PRKAR2B: variants seen among roughly 807,000 people sequenced by gnomAD.
PRKAR2B encodes the protein cAMP-dependent protein kinase type II-beta regulatory subunit.
PRKAR2B carries 14 observed loss-of-function variants against 49.9 expected under a neutral mutation model. The observed-to-expected ratio is 0.28, with a 90% confidence interval of 0.19 to 0.44. The LOEUF is 0.44. Among genes scored for constraint, PRKAR2B ranks in the 20% least tolerant of loss-of-function variants. The pLI, the probability that PRKAR2B is intolerant of heterozygous loss-of-function variation, is 1.00. For missense variants in PRKAR2B, 393 were observed against 537.9 expected, an observed-to-expected ratio of 0.73 and a Z score of 2.67; for synonymous variants, 196 against 197.7, an observed-to-expected ratio of 0.99 and a Z score of 0.07.
At chr7:107,049,011 T>C (rs1793753594) in intron 1 of PRKAR2B, among the ~76,000 whole-genome samples, 1 of 152,138 alleles carries the variant, frequency 6.6e-6, no homozygotes, top group Admixed American at 6.5e-5. Context: ...TGACATGTCA[T>C]GTCTGAAAGG....
chr7:107,114,337 T>A (rs1795229330), intron 2 of PRKAR2B, among the ~76,000 whole-genome samples: 1 of 101,732 alleles, frequency 9.8e-6, no homozygotes, highest in Non-Finnish European at 1.8e-5. Flanking sequence ...TGTGTGTGTG[T>A]GTGTGTGTGT....
intron 2 of PRKAR2B, among the ~76,000 whole-genome samples, chr7:107,107,478 T>C (rs1011295994): frequency 6.6e-6 from 1 of 152,046 alleles, no homozygotes; most frequent in African/African-American, 2.4e-5. Context: ...AAAAGCACCC[T>C]AGCAATGAGT....
At chr7:107,058,712 A>G (rs1252633205) in intron 1 of PRKAR2B, among the ~76,000 whole-genome samples, 1 of 152,212 alleles carries the variant, frequency 6.6e-6, no homozygotes, top group African/African-American at 2.4e-5. Flanking sequence ...TTGAATTTTA[A>G]CAAAAACCCG....
intron 5 of PRKAR2B, among the ~76,000 whole-genome samples, chr7:107,143,198 C>G (rs1795820926): frequency 1.3e-5 from 2 of 152,152 alleles, no homozygotes; most frequent in South Asian, 4.1e-4. Context: ...AGTTTCAGCG[C>G]AAAAGTATAA....
At chr7:107,156,825 T>G (rs1012445480) in intron 8 of PRKAR2B, among the ~76,000 whole-genome samples, 159 bp from the exon 9 acceptor site, 1 of 152,062 alleles carries the variant, frequency 6.6e-6, no homozygotes, top group Admixed American at 6.6e-5. Context: ...AAAAACCTCT[T>G]GATTTAGAAA....
Position 107,159,773 on chromosome 7 carries a change from A to G in PRKAR2B, c.*191A>G. Reference sequence around the variant, plus strand: ...GCTTTAACATCACTTTCTAAAGAGTAGTTCATAAAAAAATCAACATACTGA... The same window carrying G: ...GCTTTAACATCACTTTCTAAAGAGTGGTTCATAAAAAAATCAACATACTGA... On this transcript the variant is annotated 3_prime_UTR_variant, in exon 11 of 11. Transcript: ENST00000265717. The G allele has an allele frequency of 2.0e-6, 1 of 497,050 alleles. No individual in the cohort carries two copies. 30.8% of individuals were successfully genotyped at this position (497,050 alleles called of 1,614,324 possible).
intron 2 of PRKAR2B, among the ~76,000 whole-genome samples, chr7:107,089,429 T>G: frequency 6.6e-6 from 1 of 152,228 alleles, no homozygotes; most frequent in East Asian, 1.9e-4. Flanking sequence ...TTAGTAGAGT[T>G]TAGGGACCCT....
intron 5 of PRKAR2B, among the ~76,000 whole-genome samples, chr7:107,142,365 A>G (rs1795804518): frequency 6.6e-6 from 1 of 152,216 alleles, no homozygotes; most frequent in Admixed American, 6.5e-5. Flanking sequence ...AGTTATCTAT[A>G]TGTGAATCAA....
chr7:107,119,319 G>A (rs1795346457), intron 2 of PRKAR2B, among the ~76,000 whole-genome samples: 1 of 152,210 alleles, frequency 6.6e-6, no homozygotes, highest in Non-Finnish European at 1.5e-5. Flanking sequence ...AACATGGCCA[G>A]CTTCATGGGC....
In PRKAR2B at chr7:107,156,967, G is replaced by A; in HGVS notation, c.919-17G>A. 1 of 1,593,686 alleles carries A rather than the reference G, an allele frequency of 6.3e-7. No homozygotes were observed. The highest frequency in any genetic ancestry group is 1.7e-5 in the Admixed American group (1 of 59,538). On this transcript the variant is annotated splice_polypyrimidine_tract_variant and intron_variant, in intron 8 of 10. Transcript: ENST00000265717. Reference sequence around the variant, plus strand: ...ATTTGCATTTTCACCGTCTGTTTTTGTTATTGATTCCAATAGGGAGATTCG... The same window carrying A: ...ATTTGCATTTTCACCGTCTGTTTTTATTATTGATTCCAATAGGGAGATTCG...
intron 1 of PRKAR2B, among the ~76,000 whole-genome samples, chr7:107,055,556 A>G (rs1793895718): frequency 6.6e-6 from 1 of 152,164 alleles, no homozygotes; most frequent in Non-Finnish European, 1.5e-5. Context: ...CATTTCTCTG[A>G]TGGCCAGTGA....
In PRKAR2B at chr7:107,146,367, A is replaced by T. The variant is rs764527123; in HGVS notation, c.647A>T (p.Asp216Val). ...GTTGGAAGATGTGTTGGTAACTATGATAATCGTGGGAGTTTCGGCGAACTG... is the reference window on the plus strand; with the variant it reads ...GTTGGAAGATGTGTTGGTAACTATGTTAATCGTGGGAGTTTCGGCGAACTG... Reference protein sequence around the residue: ...DGVGRCVGNYDNRGSFGELAL... With the variant: ...DGVGRCVGNYVNRGSFGELAL... The change falls in exon 6 of 11, where the codon GAT (aspartate) becomes GTT (valine). Residue 216 changes from aspartate to valine, a missense_variant. Physicochemically the swap from Asp to Val is radical, Grantham distance 152. This residue lies in a region of PRKAR2B where 233 missense variants were observed against 390.4 expected (regional missense o/e 0.60). Coordinates refer to ENST00000265717, the MANE Select transcript of PRKAR2B (RefSeq NM_002736.3). The T allele has an allele frequency of 6.2e-7, 1 of 1,614,132 alleles. No homozygotes were observed. Among genetic ancestry groups the T allele is most frequent in the South Asian group, 1.1e-5 (1 of 91,076 alleles).
At chr7:107,068,714 C>T (rs1485279562) in intron 1 of PRKAR2B, 1 of 152,008 alleles carries the variant, frequency 6.6e-6, no homozygotes, top group African/African-American at 2.4e-5. Flanking sequence ...AATCTTTAAT[C>T]ATAATGAAGA....
chr7:107,102,289 A>G (rs1447719353), intron 2 of PRKAR2B, among the ~76,000 whole-genome samples: 2 of 152,248 alleles, frequency 1.3e-5, no homozygotes, highest in Non-Finnish European at 2.9e-5. Flanking sequence ...ACAGTTTACA[A>G]ATGATGCCAT....
At chr7:107,052,767 A>G (rs1209380622) in intron 1 of PRKAR2B, among the ~76,000 whole-genome samples, 1 of 152,204 alleles carries the variant, frequency 6.6e-6, no homozygotes, top group Non-Finnish European at 1.5e-5. Context: ...TACAATTTGC[A>G]TTCTCTGTCT....
intron 2 of PRKAR2B, among the ~76,000 whole-genome samples, chr7:107,113,113 G>A (rs1795205365): frequency 2.0e-5 from 3 of 152,142 alleles, no homozygotes; most frequent in Non-Finnish European, 4.4e-5. Context: ...TCTGATACGT[G>A]TATGCTAGGC....
At chr7:107,156,106 G>T (rs1166062363) in intron 8 of PRKAR2B, among the ~76,000 whole-genome samples, 1 of 151,908 alleles carries the variant, frequency 6.6e-6, no homozygotes, top group African/African-American at 2.4e-5. Context: ...GGCCTGTCAG[G>T]GGGTGGGGAG....
chr7:107,062,431 T>C (rs1446074065), intron 1 of PRKAR2B, among the ~76,000 whole-genome samples: 1 of 152,218 alleles, frequency 6.6e-6, no homozygotes, highest in African/African-American at 2.4e-5. Flanking sequence ...TATATTCATA[T>C]AAGGGAATAC....
At chr7:107,061,631 C>CAGT (rs1794028972) in intron 1 of PRKAR2B, among the ~76,000 whole-genome samples, 1 of 152,118 alleles carries the variant, frequency 6.6e-6, no homozygotes, top group South Asian at 2.1e-4. Flanking sequence ...TGGCTGGGTG[C>CAGT]AGTAGCTCAT....
Sources: allele counts gnomAD v4.1 joint callset (sites outside exome capture counted in the v4.1 genomes callset), GRCh38; gene constraint gnomAD v4.1.1; regional missense constraint gnomAD v4.1.1; transcripts MANE v1.5; gene names NCBI Gene and HGNC (gene_info 2026-07-23, HGNC 2026-07-21).